Variants in TSHZ2 observed in about 807,000 individuals in gnomAD.
TSHZ2 encodes teashirt homolog 2.
A neutral mutation model predicts 74.4 loss-of-function variants in TSHZ2; 21 were observed. The ratio of observed to expected loss-of-function variants is 0.28; its 90% CI spans 0.20 to 0.41. TSHZ2 has a LOEUF of 0.41. Ranked by LOEUF, TSHZ2 falls within the 10% of genes least tolerant of loss-of-function variation. The pLI is 1.00. For missense variants in TSHZ2, 1,244 were observed against 1,293.5 expected, an observed-to-expected ratio of 0.96 and a Z score of 0.59; for synonymous variants, 540 against 515.3, an observed-to-expected ratio of 1.05 and a Z score of -0.65.
In TSHZ2 at chr20:53,316,376, C is replaced by T. The variant is rs949111869; in HGVS notation, c.*8+59805C>T. On this transcript the variant is annotated intron_variant, in intron 2 of 2. Transcript: ENST00000371497. ...GATGAATTGATTGAGAGAAAAAGAA[C>T]CCTCCAGGAGCCCTCAGCGTAGTAG... Among the ~76,000 whole-genome samples the T allele has an allele frequency of 2.0e-5, 3 of 152,074 alleles. No homozygotes were observed. The South Asian group carries it at 6.2e-4, about 31-fold the overall frequency.
chr20:53,240,274 G>A (rs571740457), intron 1 of TSHZ2, among the ~76,000 whole-genome samples: 2 of 152,246 alleles, frequency 1.3e-5, no homozygotes, highest in East Asian at 1.9e-4. Context: ...AGGATGCTAC[G>A]GCAAGGTGAT....
chr20:53,100,556 G>C (rs1229068931), intron 1 of TSHZ2, among the ~76,000 whole-genome samples: 2 of 152,192 alleles, frequency 1.3e-5, no homozygotes, highest in African/African-American at 4.8e-5. Flanking sequence ...GGTATGCAGA[G>C]AGAGAGAGTG....
intron 2 of TSHZ2, among the ~76,000 whole-genome samples, chr20:53,315,912 G>A (rs766452709): frequency 7.2e-5 from 11 of 152,164 alleles, no homozygotes; most frequent in Non-Finnish European, 1.5e-4. Context: ...GCTGAGCTCT[G>A]GAGGTGGGTG....
chr20:53,145,616 C>CA (rs1987521537), intron 1 of TSHZ2, among the ~76,000 whole-genome samples: 1 of 152,186 alleles, frequency 6.6e-6, no homozygotes, highest in African/African-American at 2.4e-5. Flanking sequence ...ACACACACCT[C>CA]AGAGTTATCC....
rs569619415 is a variant in TSHZ2, at chr20:53,168,410, G to C, written c.41-85089G>C. ...TTTATGAGAATGGAATGTGTTCTTA[G>C]TTAAACTCCAAAAGAGTTAAAATCC... On this transcript the variant is annotated intron_variant, in intron 1 of 2. Transcript: ENST00000371497. 6.6e-5 allele frequency among the ~76,000 whole-genome samples: 10 copies of C among 152,288 alleles called. No individual in the cohort carries two copies. The South Asian group carries it at 1.2e-3, about 19-fold the overall frequency.
chr20:53,215,273 C>G (rs1445412852), intron 1 of TSHZ2, among the ~76,000 whole-genome samples: 1 of 152,078 alleles, frequency 6.6e-6, no homozygotes, highest in African/African-American at 2.4e-5. Flanking sequence ...CACCACTTCC[C>G]GGGATTCCAG....
chr20:52,997,780 A>G (rs1982261276), intron 1 of TSHZ2, among the ~76,000 whole-genome samples: 1 of 152,230 alleles, frequency 6.6e-6, no homozygotes, highest in African/African-American at 2.4e-5. Context: ...AGCTCCAGGC[A>G]GAGGGTTTTG....
chr20:53,262,913 G>C (rs924849349), intron 2 of TSHZ2, among the ~76,000 whole-genome samples: 1 of 152,176 alleles, frequency 6.6e-6, no homozygotes, highest in Non-Finnish European at 1.5e-5. Flanking sequence ...ACATTTGGGG[G>C]TTTTACAGAA....
At chr20:53,101,046 C>A (rs1986202608) in intron 1 of TSHZ2, among the ~76,000 whole-genome samples, 1 of 152,136 alleles carries the variant, frequency 6.6e-6, no homozygotes, top group Non-Finnish European at 1.5e-5. Flanking sequence ...TTTACCTGGT[C>A]TGTTTAATCT....
chr20:53,298,084 G>A (rs1315696906), intron 2 of TSHZ2, among the ~76,000 whole-genome samples: 1 of 152,168 alleles, frequency 6.6e-6, no homozygotes, highest in Non-Finnish European at 1.5e-5. Flanking sequence ...TCCTCTTCAT[G>A]AGGCATGTCC....
intron 1 of TSHZ2, among the ~76,000 whole-genome samples, chr20:53,015,679 G>T (rs1449119984): frequency 6.6e-6 from 1 of 152,064 alleles, no homozygotes. Context: ...GTGACTTGGG[G>T]GCCTCTACCT....
intron 1 of TSHZ2, among the ~76,000 whole-genome samples, chr20:53,133,227 A>T (rs1000381312): frequency 6.6e-6 from 1 of 152,138 alleles, no homozygotes; most frequent in Non-Finnish European, 1.5e-5. Flanking sequence ...TGGCTTCTAC[A>T]TGATCCCCAT....
chr20:53,368,314 G>A (rs1981346645), intron 2 of TSHZ2, among the ~76,000 whole-genome samples: 1 of 151,386 alleles, frequency 6.6e-6, no homozygotes, highest in African/African-American at 2.4e-5. Context: ...TGTTTGTTTG[G>A]TTTGTTTGGT....
At chr20:52,976,805 T>C (rs1195794629) in intron 1 of TSHZ2, among the ~76,000 whole-genome samples, 1 of 152,214 alleles carries the variant, frequency 6.6e-6, no homozygotes, top group East Asian at 1.9e-4. Context: ...ATGTAAGTTA[T>C]AGGATTCTGC....
chr20:53,001,230 G>GTGTGTGTGTGTGTGTGTGTA (rs1982421292), intron 1 of TSHZ2, among the ~76,000 whole-genome samples: 2 of 126,114 alleles, frequency 1.6e-5, no homozygotes, highest in African/African-American at 5.9e-5. Context: ...GTGTGTGTGT[G>GTGTGTGTGTGTGTGTGTGTA]TGTGTGTGTG....
intron 2 of TSHZ2, among the ~76,000 whole-genome samples, chr20:53,299,060 G>A (rs1991432356): frequency 6.6e-6 from 1 of 152,158 alleles, no homozygotes; most frequent in Non-Finnish European, 1.5e-5. Flanking sequence ...TCCCAGGGTA[G>A]GTGGAGAAGA....
At chr20:53,485,135 T>A (rs878898761) in intron 2 of TSHZ2, among the ~76,000 whole-genome samples, 3 of 152,198 alleles carry the variant, frequency 2.0e-5, no homozygotes, top group Admixed American at 2.0e-4. Flanking sequence ...AACGTTCCTA[T>A]CTTTTGACAG....
intron 2 of TSHZ2, among the ~76,000 whole-genome samples, chr20:53,394,589 G>A (rs987839825): frequency 6.6e-6 from 1 of 151,890 alleles, no homozygotes; most frequent in African/African-American, 2.4e-5. Flanking sequence ...TAGGTCAAAA[G>A]GCAATTGATT....
chr20:53,076,983 G>A (rs950079877), intron 1 of TSHZ2, among the ~76,000 whole-genome samples: 6 of 152,248 alleles, frequency 3.9e-5, no homozygotes, highest in African/African-American at 7.2e-5. Flanking sequence ...AAGAGAACTC[G>A]GGCTTAGAGA....
Sources: allele counts gnomAD v4.1 joint callset (sites outside exome capture counted in the v4.1 genomes callset), GRCh38; gene constraint gnomAD v4.1.1; transcripts MANE v1.5; gene names NCBI Gene and HGNC (gene_info 2026-07-23, HGNC 2026-07-21).